The following KLHL22 variants were observed in gnomAD, a reference collection of about 807,000 sequenced individuals.
KLHL22 encodes kelch like family member 22, also known as kelch-like protein 22.
A neutral mutation model predicts 60.7 loss-of-function variants in KLHL22; 18 were observed. That is an observed-to-expected ratio of 0.30 (90% CI 0.20 to 0.44). The LOEUF (loss-of-function observed/expected upper bound fraction) is 0.44. Among genes scored for constraint, KLHL22 ranks in the 20% least tolerant of loss-of-function variants. The pLI is 1.00. For synonymous variants in KLHL22, 355 were observed against 354.5 expected (o/e 1.00, Z -0.01); for missense variants, 596 against 852.3 (o/e 0.70, Z 3.74).
intron 2 of KLHL22, among the ~76,000 whole-genome samples, chr22:20,486,840 C>A (rs2053594510): frequency 1.3e-5 from 2 of 151,952 alleles, no homozygotes; most frequent in Admixed American, 1.3e-4. Context: ...TGCTACCACG[C>A]CCAGCTAATT....
rs570882263 is a variant in KLHL22 at position 20,487,450 on chromosome 22, G to A, written c.227+1535C>T. 2.6e-5 allele frequency among the ~76,000 whole-genome samples: 4 copies of A among 151,376 alleles called. No individual in the cohort carries two copies. The South Asian group carries it at 8.4e-4, about 32-fold the overall frequency. On this transcript the variant is annotated intron_variant, in intron 2 of 6. Coordinates refer to ENST00000328879, the MANE Select transcript of KLHL22 (RefSeq NM_032775.4). ...TTGGCCAGGCTAGTCTCAAACTCCTGGCCTCAAGTGATCCACCTGCCTTGG... is the reference window on the plus strand; with the variant it reads ...TTGGCCAGGCTAGTCTCAAACTCCTAGCCTCAAGTGATCCACCTGCCTTGG...
chr22:20,453,773 C>T (rs1313365625), intron 5 of KLHL22, among the ~76,000 whole-genome samples: 4 of 152,072 alleles, frequency 2.6e-5, no homozygotes, highest in African/African-American at 4.8e-5. Context: ...CTCACTCTGT[C>T]GCCCAGGCTG....
intron 2 of KLHL22, chr22:20,488,772 G>A (rs935896138): frequency 5.1e-6 from 3 of 589,460 alleles, no homozygotes; most frequent in Non-Finnish European, 9.0e-6. Context: ...GAAGAGAAGA[G>A]GAGGCAAAGC....
chr22:20,479,296 T>C (rs1221249575), intron 2 of KLHL22, among the ~76,000 whole-genome samples: 1 of 152,054 alleles, frequency 6.6e-6, no homozygotes, highest in Non-Finnish European at 1.5e-5. Flanking sequence ...TTTCTGTAAG[T>C]CAGGAATTAT....
At chr22:20,479,717 A>T (rs1335590799) in intron 2 of KLHL22, among the ~76,000 whole-genome samples, 4 of 152,144 alleles carry the variant, frequency 2.6e-5, no homozygotes, top group Non-Finnish European at 4.4e-5. Flanking sequence ...CAAACAAAAA[A>T]CCAGAAAATA....
rs2053757704 is a variant in KLHL22, at chr22:20,495,667, G to A, written c.-34+93C>T. The A allele has an allele frequency of 1.3e-5, 2 of 151,412 alleles. No individual in the cohort carries two copies. The highest frequency in any genetic ancestry group is 3.5e-4 in the South Asian group (2 of 5,654). 9.4% of individuals were successfully genotyped at this position (151,412 alleles called of 1,614,324 possible). On this transcript the variant is annotated intron_variant, in intron 1 of 6. Transcript: ENST00000328879. This position sits in a 1 kb window ranked among gnomAD's most constrained non-coding sequence, Gnocchi z 4.6. Reference sequence around the variant, plus strand: ...CCCCGCGCCCCTCGGACTCCGCGCCGCTAGCTTGTCCCCGGCCCAGCGATG... The same window carrying A: ...CCCCGCGCCCCTCGGACTCCGCGCCACTAGCTTGTCCCCGGCCCAGCGATG...
Position 20,442,317 on chromosome 22 carries a change from T to C in KLHL22, c.1661A>G (p.His554Arg). Residue 554 changes from histidine to arginine, a missense_variant, in exon 7 of 7, where the codon CAC (histidine) becomes CGC (arginine). Transcript: ENST00000328879. ...GTAGCCTGTGCGGCTGCCGCGGTTG[T>C]GTGAGCGGCCACCTAACACATAGAT... ...NRIYVLGGRS[H>R]NRGSRTGYVH... is the part of the protein sequence containing the mutation. 6.2e-7 allele frequency: 1 copy of C among 1,613,960 alleles called. No individual in the cohort carries two copies. The highest frequency in any genetic ancestry group is 8.5e-7 in the Non-Finnish European group (1 of 1,180,020).
At chr22:20,447,968 A>G (rs919739977) in intron 5 of KLHL22, among the ~76,000 whole-genome samples, 1 of 152,154 alleles carries the variant, frequency 6.6e-6, no homozygotes, top group Non-Finnish European at 1.5e-5. Flanking sequence ...ACTATATCAC[A>G]GGGTCACCAG....
chr22:20,480,709 ACCTTAAT>A (rs1474396092), intron 2 of KLHL22, among the ~76,000 whole-genome samples: 1 of 151,822 alleles, frequency 6.6e-6, no homozygotes, highest in African/African-American at 2.4e-5. Context: ...CTCTTCAAAC[ACCTTAAT>A]ATGCCCCCCA....
Position 20,489,077 on chromosome 22 carries a change from G to A in KLHL22, c.135C>T (p.Asp45=). The stretch of plus-strand genomic sequence containing the variant: ...GCACAACATCGAAGAGGATTCCGCT[G>A]TCCCGGAGAGCCAGCAGCCCTCGGA... ...ALLRGLLALR[D]SGILFDVVLV... is the part of the protein sequence containing the mutation. The change falls in exon 2 of 7, where the codon GAC becomes GAT. Residue 45 remains aspartate, a synonymous_variant. Coordinates refer to ENST00000328879, the MANE Select transcript of KLHL22 (RefSeq NM_032775.4). The A allele has an allele frequency of 6.2e-7, 1 of 1,614,104 alleles. No homozygotes were observed. Among genetic ancestry groups the A allele is most frequent in the Non-Finnish European group, 8.5e-7 (1 of 1,180,036 alleles).
chr22:20,491,953 G>A (rs904943889), intron 1 of KLHL22: 2 of 152,164 alleles, frequency 1.3e-5, no homozygotes, highest in Non-Finnish European at 2.9e-5. Flanking sequence ...AGGCCCCAGA[G>A]ATGGCCACAG....
intron 5 of KLHL22, 74 bp downstream of exon 5, chr22:20,457,734 A>G (rs2146198474): frequency 8.3e-7 from 1 of 1,197,820 alleles, no homozygotes; most frequent in Non-Finnish European, 1.2e-6. Context: ...CTTGACACCT[A>G]GGCCTCTCAC....
At position 20,442,430 on chromosome 22, in the gene KLHL22, G is replaced by A. The variant is rs566084600; in HGVS notation, c.1548C>T (p.Cys516=). 1.3e-6 allele frequency: 2 copies of A among 1,589,594 alleles called. No individual in the cohort carries two copies. Among genetic ancestry groups the A allele is most frequent in the East Asian group, 4.5e-5 (2 of 44,188 alleles). ...GYRRDVHQVA[C]YSCTSGQWSS... is the part of the protein sequence containing the mutation. ...ACCACTGTCCAGACGTGCAGCTGTA[G>A]CAGGCCACCTGCAAAGCCAAGGCTA... The change falls in exon 7 of 7, where the codon TGC becomes TGT. Residue 516 remains cysteine, a synonymous_variant. Coordinates refer to ENST00000328879, the MANE Select transcript of KLHL22 (RefSeq NM_032775.4).
chr22:20,490,646 G>T (rs2053671253), intron 1 of KLHL22, among the ~76,000 whole-genome samples: 1 of 152,174 alleles, frequency 6.6e-6, no homozygotes, highest in Non-Finnish European at 1.5e-5. Flanking sequence ...ACGGGGTCGG[G>T]GAATGGTTTC....
At chr22:20,481,535 T>C (rs147017596) in intron 2 of KLHL22, among the ~76,000 whole-genome samples, 1,635 of 152,216 alleles carry the variant, frequency 0.011, 37 homozygotes, top group African/African-American at 0.037. Context: ...ATCATGCCAC[T>C]GCACTCCCGC....
At chr22:20,481,417 A>G (rs2146268338) in intron 2 of KLHL22, 1 of 152,100 alleles carries the variant, frequency 6.6e-6, no homozygotes, top group Middle Eastern at 3.4e-3. Context: ...TTCAAAAAAT[A>G]CAAAAATTAG....
chr22:20,450,659 A>T, intron 5 of KLHL22: 1 of 1,563,238 alleles, frequency 6.4e-7, no homozygotes, highest in South Asian at 1.1e-5. Flanking sequence ...GAGGTGGAAA[A>T]GCTAATCAAG....
chr22:20,478,852 G>C (rs1314903261), intron 2 of KLHL22, among the ~76,000 whole-genome samples: 1 of 150,450 alleles, frequency 6.6e-6, no homozygotes, highest in Non-Finnish European at 1.5e-5. Flanking sequence ...TTTTGGGGCT[G>C]GGCGCGGTGG....
chr22:20,471,595 A>G, intron 2 of KLHL22, 80 bp from the exon 3 acceptor site: 2 of 1,491,732 alleles, frequency 1.3e-6, no homozygotes, highest in Non-Finnish European at 1.8e-6. Flanking sequence ...CAGCATTCAG[A>G]GAAGAACCTG....
Sources: allele counts gnomAD v4.1 joint callset (sites outside exome capture counted in the v4.1 genomes callset), GRCh38; gene constraint gnomAD v4.1.1; non-coding constraint Gnocchi (gnomAD v3.1); transcripts MANE v1.5; gene names NCBI Gene and HGNC (gene_info 2026-07-23, HGNC 2026-07-21).